The following RANBP3 variants were observed in gnomAD, a reference collection of about 807,000 sequenced individuals.
The protein encoded by RANBP3 is RAN binding protein 3.
Under a neutral mutation model 77.3 loss-of-function variants are expected in RANBP3, and 14 were observed. The observed-to-expected ratio is 0.18, with a 90% CI of 0.12 to 0.28. The LOEUF is 0.28. RANBP3 is among the 10% of genes least tolerant of loss of function. The pLI, the probability that RANBP3 is intolerant of heterozygous loss-of-function variation, is 1.00. For synonymous variants in RANBP3, 315 were observed against 312.4 expected (o/e 1.01, Z -0.09); for missense variants, 586 against 752.3 (o/e 0.78, Z 2.59).
Position 5,923,212 on chromosome 19 carries a change from C to T in RANBP3, c.1191G>A (p.Ala397=), listed in dbSNP as rs374039633. The change falls in exon 13 of 17, where the codon GCG becomes GCA. Residue 397 remains alanine, a synonymous_variant. Transcript: ENST00000340578. ...EKVEVITGEE[A]ESNVLQMQCK... Reference sequence around the variant, plus strand: ...CCCTCACCTGTAACACATTGCTCTCCGCCTCCTCCCCGGTGATGACTTCCA... The same window carrying T: ...CCCTCACCTGTAACACATTGCTCTCTGCCTCCTCCCCGGTGATGACTTCCA... 101 of 1,614,072 alleles carry T rather than the reference C, an allele frequency of 6.3e-5. No homozygotes were observed. The highest frequency in any genetic ancestry group is 7.0e-5 in the Non-Finnish European group (83 of 1,180,036).
intron 9 of RANBP3, among the ~76,000 whole-genome samples, chr19:5,926,545 C>T (rs1475589106): frequency 9.9e-5 from 15 of 151,938 alleles, no homozygotes; most frequent in Non-Finnish European, 1.5e-4. Context: ...AGCAAGACTT[C>T]GTGTCCAAAG....
intron 2 of RANBP3, among the ~76,000 whole-genome samples, chr19:5,954,231 C>A (rs1289622101): frequency 3.3e-5 from 5 of 152,122 alleles, no homozygotes; most frequent in African/African-American, 1.2e-4. Flanking sequence ...CGGGTGTGGT[C>A]TGAGATCTCG....
intron 3 of RANBP3, among the ~76,000 whole-genome samples, chr19:5,945,107 G>A (rs1312683714): frequency 1.3e-5 from 2 of 152,140 alleles, no homozygotes; most frequent in Non-Finnish European, 2.9e-5. Flanking sequence ...TTGTGTCAGG[G>A]ACTCCACTAG....
chr19:5,970,792 A>T (rs1213978190), intron 1 of RANBP3, among the ~76,000 whole-genome samples: 2 of 152,194 alleles, frequency 1.3e-5, no homozygotes, highest in Non-Finnish European at 2.9e-5. Flanking sequence ...ATTCTCTCTC[A>T]CACCACAATC....
chr19:5,923,710 G>C (rs375582434), intron 12 of RANBP3, 102 bp downstream of exon 12: 3 of 851,398 alleles, frequency 3.5e-6, no homozygotes, highest in African/African-American at 1.7e-5. Flanking sequence ...ACTGCTGCGG[G>C]AGTCGGGCCC....
intron 1 of RANBP3, among the ~76,000 whole-genome samples, chr19:5,975,032 A>C (rs913426785): frequency 3.9e-5 from 6 of 152,242 alleles, no homozygotes; most frequent in Admixed American, 2.0e-4. Context: ...ACTAGAGCTT[A>C]AACAGCAAGA....
chr19:5,970,027 G>T (rs1169345032), intron 1 of RANBP3, among the ~76,000 whole-genome samples: 1 of 152,148 alleles, frequency 6.6e-6, no homozygotes, highest in Non-Finnish European at 1.5e-5. Flanking sequence ...CATCTCCCTG[G>T]AGACACTGGT....
Position 5,924,050 on chromosome 19 carries a change from C to A in RANBP3, c.997-136G>T. 1.5e-6 allele frequency: 1 copy of A among 676,978 alleles called. No homozygotes were observed. The highest frequency in any genetic ancestry group is 2.5e-6 in the Non-Finnish European group (1 of 393,498). The allele number at this position is 676,978 out of a possible 1,614,324, so 41.9% of individuals were successfully genotyped here. On this transcript the variant is annotated intron_variant, in intron 11 of 16. Coordinates refer to ENST00000340578, the MANE Select transcript of RANBP3 (RefSeq NM_007322.3). The surrounding 1 kb of genome is among the most constrained non-coding windows in gnomAD (Gnocchi z 4.7). ...TGCCCACTCCCGGTGACACCCTGAA[C>A]TGCCTGGGAGCTCCCCACGTGGTCC...
intron 10 of RANBP3, 172 bp from the exon 11 acceptor site, chr19:5,925,077 T>C (rs1379155283): frequency 5.9e-6 from 4 of 672,864 alleles, no homozygotes; most frequent in Non-Finnish European, 1.1e-5. Context: ...CCTGTGCCAT[T>C]GAAAACATTA....
At position 5,921,469 on chromosome 19, in the gene RANBP3, C is replaced by T; in HGVS notation, c.1210-148G>A. On this transcript the variant is annotated intron_variant, in intron 13 of 16. Coordinates refer to ENST00000340578, the MANE Select transcript of RANBP3 (RefSeq NM_007322.3). This position sits in a 1 kb window ranked among gnomAD's most constrained non-coding sequence, Gnocchi z 5.3. ...ACCTTGGTCAGTTTTTTGTCCTGCC[C>T]TCAAGCTAGAACAGGCTTTACATTG... The T allele has an allele frequency of 1.1e-6, 1 of 871,854 alleles. No homozygotes were observed. The highest frequency in any genetic ancestry group is 1.7e-6 in the Non-Finnish European group (1 of 573,884). The allele number at this position is 871,854 out of a possible 1,614,324, so 54.0% of individuals were successfully genotyped here.
intron 12 of RANBP3, 34 bp downstream of exon 12, chr19:5,923,778 A>G (rs1438942656): frequency 6.5e-7 from 1 of 1,541,216 alleles, no homozygotes; most frequent in Non-Finnish European, 9.0e-7. Context: ...ATGACCTACC[A>G]TGAGCCCCAT....
At chr19:5,927,809 C>T (rs902189059) in intron 9 of RANBP3, among the ~76,000 whole-genome samples, 159 bp downstream of exon 9, 23 of 152,192 alleles carry the variant, frequency 1.5e-4, no homozygotes, top group African/African-American at 5.1e-4. Flanking sequence ...CACACGCACA[C>T]CAGCAGCAGA....
At chr19:5,939,342 T>C (rs1262319087) in intron 5 of RANBP3, among the ~76,000 whole-genome samples, 1 of 152,176 alleles carries the variant, frequency 6.6e-6, no homozygotes, top group Non-Finnish European at 1.5e-5. Flanking sequence ...AAGCCTCATC[T>C]CACGCCAGAT....
At chr19:5,975,573 G>A (rs2058580501) in intron 1 of RANBP3, among the ~76,000 whole-genome samples, 1 of 150,494 alleles carries the variant, frequency 6.6e-6, no homozygotes, top group South Asian at 2.1e-4. Flanking sequence ...CGTTCTAGAT[G>A]CAAGGGGGCA....
intron 15 of RANBP3, chr19:5,918,267 C>A (rs1300608942): frequency 4.8e-6 from 3 of 622,400 alleles, no homozygotes; most frequent in South Asian, 4.4e-5. Context: ...CATCACAACC[C>A]CTCAGCCAAA....
At chr19:5,951,713 T>G (rs944610877) in intron 2 of RANBP3, 117 bp from the exon 3 acceptor site, 18 of 940,120 alleles carry the variant, frequency 1.9e-5, no homozygotes, top group Non-Finnish European at 2.9e-5. Context: ...CTCCTGCGCC[T>G]GGGAGGAAGA....
Position 5,931,153 on chromosome 19 carries a change from G to A in RANBP3, c.693+251C>T, listed in dbSNP as rs542122612. 4.6e-5 allele frequency among the ~76,000 whole-genome samples: 7 copies of A among 152,186 alleles called. No homozygotes were observed. The South Asian group carries it at 6.2e-4, about 13-fold the overall frequency. ...AGAACTCTGGGCAACAGGTCCTTCC[G>A]GCAGAGCTTGCTTGGGAGACACTCT... On this transcript the variant is annotated intron_variant, in intron 8 of 16. Coordinates refer to ENST00000340578, the MANE Select transcript of RANBP3 (RefSeq NM_007322.3).
At position 5,958,017 on chromosome 19, in the gene RANBP3, CA is replaced by C; in HGVS notation, c.23-45del. 1 of 1,549,620 alleles carries C rather than the reference CA, an allele frequency of 6.5e-7. No homozygotes were observed. The highest frequency in any genetic ancestry group is 8.9e-7 in the Non-Finnish European group (1 of 1,122,196). Reference sequence around the variant, plus strand: ...GTTTTTTTCCCCCCAACACTATATGCATACAGTAAACAAAGCTACACTTGTT... The same window carrying C: ...GTTTTTTTCCCCCCAACACTATATGCTACAGTAAACAAAGCTACACTTGTT... On this transcript the variant is annotated intron_variant, in intron 1 of 16. Coordinates refer to ENST00000340578, the MANE Select transcript of RANBP3 (RefSeq NM_007322.3). The surrounding 1 kb of genome is among the most constrained non-coding windows in gnomAD (Gnocchi z 4.4).
chr19:5,939,981 T>C (rs922322244), intron 5 of RANBP3, among the ~76,000 whole-genome samples: 2 of 152,220 alleles, frequency 1.3e-5, no homozygotes. Flanking sequence ...ACCTAAGATC[T>C]TCCTTCACCA....
Sources: gnomAD v4.1 joint callset for allele counts (sites outside exome capture counted in the v4.1 genomes callset) on GRCh38, gnomAD v4.1.1 for gene constraint, Gnocchi (gnomAD v3.1) non-coding constraint, MANE v1.5 for transcripts, NCBI Gene and HGNC (gene_info 2026-07-23, HGNC 2026-07-21) for gene names.